The following ASIC2 variants were observed in gnomAD, a reference collection of about 807,000 sequenced individuals.
The protein encoded by ASIC2 is acid sensing ion channel subunit 2, also known as acid-sensing ion channel 2.
ASIC2 carries 25 observed loss-of-function variants against 57.3 expected under a neutral mutation model. That is an observed-to-expected ratio of 0.44 (90% CI 0.32 to 0.61). The LOEUF is 0.61. ASIC2 is among the 20% of genes least tolerant of loss of function. The pLI is 0.06. For synonymous variants in ASIC2, 319 were observed against 307.5 expected (o/e 1.04, Z -0.39); for missense variants, 641 against 738.1 (o/e 0.87, Z 1.52).
intron 1 of ASIC2, among the ~76,000 whole-genome samples, chr17:33,531,001 A>T (rs1442207591): frequency 6.6e-6 from 1 of 152,172 alleles, no homozygotes; most frequent in African/African-American, 2.4e-5. Context: ...AATAAGTTAA[A>T]GAAAAAAATA....
intron 1 of ASIC2, among the ~76,000 whole-genome samples, chr17:33,287,493 G>T (rs1905244577): frequency 6.6e-6 from 1 of 152,162 alleles, no homozygotes; most frequent in South Asian, 2.1e-4. Context: ...TTCTGGCCCA[G>T]GAAACCCCAG....
chr17:33,497,748 C>A (rs1315229243), intron 1 of ASIC2, among the ~76,000 whole-genome samples: 2 of 152,178 alleles, frequency 1.3e-5, no homozygotes, highest in Non-Finnish European at 2.9e-5. Context: ...ACTCAACTTA[C>A]TTTTTTTCAG....
intron 1 of ASIC2, among the ~76,000 whole-genome samples, chr17:33,241,097 T>C (rs150132228): frequency 6.6e-6 from 1 of 152,220 alleles, no homozygotes; most frequent in Non-Finnish European, 1.5e-5. Flanking sequence ...GCAGCGTTCA[T>C]GGTCACACAG....
intron 3 of ASIC2, among the ~76,000 whole-genome samples, chr17:33,063,063 G>A (rs187959384): frequency 3.9e-5 from 6 of 152,216 alleles, no homozygotes; most frequent in East Asian, 1.9e-4. Context: ...TGTCCCTCAC[G>A]TGAGATGGGT....
intron 1 of ASIC2, among the ~76,000 whole-genome samples, chr17:33,993,297 C>T (rs1906056407): frequency 6.6e-6 from 1 of 152,176 alleles, no homozygotes; most frequent in South Asian, 2.1e-4. Context: ...TTTTTTGGCA[C>T]ATGTCCAGAA....
At chr17:33,903,888 G>A (rs1313265004) in intron 1 of ASIC2, among the ~76,000 whole-genome samples, 2 of 152,124 alleles carry the variant, frequency 1.3e-5, no homozygotes, top group Admixed American at 1.3e-4. Context: ...GCTGGGCCAG[G>A]CACGGTGGCT....
chr17:33,138,856 G>T (rs887254086), intron 1 of ASIC2, among the ~76,000 whole-genome samples: 3 of 152,204 alleles, frequency 2.0e-5, no homozygotes, highest in African/African-American at 7.2e-5. Flanking sequence ...TTAACTGGCT[G>T]CCTTTTCTGT....
intron 1 of ASIC2, among the ~76,000 whole-genome samples, chr17:33,766,545 C>T (rs1373175456): frequency 6.6e-6 from 1 of 152,198 alleles, no homozygotes; most frequent in Non-Finnish European, 1.5e-5. Context: ...CTGTGCCTCA[C>T]CAGGGTGTTG....
Position 33,283,831 on chromosome 17 carries a change from C to G in ASIC2, c.708+7577G>C, listed in dbSNP as rs140525719. 3.9e-5 allele frequency among the ~76,000 whole-genome samples: 6 copies of G among 152,284 alleles called. No individual in the cohort carries two copies. The East Asian group carries it at 1.2e-3, about 29-fold the overall frequency. ...TCCTATCCAGGTATAATAAATTAAG[C>G]TTCTGCTGATTACAAATGCAGGTTT... On this transcript the variant is annotated intron_variant, in intron 1 of 9. Coordinates refer to ENST00000225823, the MANE Select transcript of ASIC2 (RefSeq NM_183377.2).
intron 1 of ASIC2, among the ~76,000 whole-genome samples, chr17:33,883,151 G>A (rs928113541): frequency 2.0e-5 from 3 of 152,088 alleles, no homozygotes; most frequent in Non-Finnish European, 4.4e-5. Flanking sequence ...GCTGAATGAC[G>A]AGTTAATGGG....
chr17:33,590,446 G>A (rs1355735032), intron 1 of ASIC2, among the ~76,000 whole-genome samples: 1 of 152,100 alleles, frequency 6.6e-6, no homozygotes, highest in Non-Finnish European at 1.5e-5. Context: ...TCATCATGGT[G>A]AGGAACAGGT....
chr17:33,686,554 G>A (rs906680737), intron 1 of ASIC2, among the ~76,000 whole-genome samples: 2 of 152,258 alleles, frequency 1.3e-5, no homozygotes, highest in Middle Eastern at 3.4e-3. Context: ...AGATCCATGG[G>A]CAACTCTGCT....
intron 1 of ASIC2, chr17:34,003,322 T>G (rs1906409826): frequency 6.6e-6 from 1 of 152,204 alleles, no homozygotes; most frequent in Non-Finnish European, 1.5e-5. Context: ...AGGATTCTCA[T>G]GAGAAATGAG....
At chr17:33,449,511 T>C (rs1912166830) in intron 1 of ASIC2, among the ~76,000 whole-genome samples, 1 of 152,198 alleles carries the variant, frequency 6.6e-6, no homozygotes, top group Non-Finnish European at 1.5e-5. Context: ...CTGTTCAGCA[T>C]ACCTGTTGCA....
intron 1 of ASIC2, among the ~76,000 whole-genome samples, chr17:33,356,626 G>A (rs1010554727): frequency 3.9e-5 from 6 of 152,106 alleles, no homozygotes; most frequent in African/African-American, 7.2e-5. Context: ...CTTTTAACAC[G>A]GAGCGTGTTA....
chr17:33,574,718 T>A (rs1916561720), intron 1 of ASIC2, among the ~76,000 whole-genome samples: 1 of 152,198 alleles, frequency 6.6e-6, no homozygotes. Context: ...ATTGCATATA[T>A]CTTTACAAAA....
At chr17:33,130,344 G>A (rs138605351) in intron 1 of ASIC2, among the ~76,000 whole-genome samples, 2 of 152,272 alleles carry the variant, frequency 1.3e-5, no homozygotes, top group East Asian at 3.9e-4. Context: ...TAGGTACAGA[G>A]GAAACAAGAA....
intron 3 of ASIC2, among the ~76,000 whole-genome samples, chr17:33,042,832 G>A (rs1252123207): frequency 6.6e-6 from 1 of 152,198 alleles, no homozygotes; most frequent in African/African-American, 2.4e-5. Flanking sequence ...TTGAGATAGG[G>A]ATATGAGTTC....
chr17:33,373,453 C>T (rs1909160885), intron 1 of ASIC2, among the ~76,000 whole-genome samples: 1 of 152,218 alleles, frequency 6.6e-6, no homozygotes, highest in East Asian at 1.9e-4. Flanking sequence ...ATAGCTGCTT[C>T]CTAACAGTAT....
Sources: allele counts gnomAD v4.1 joint callset (sites outside exome capture counted in the v4.1 genomes callset), GRCh38; gene constraint gnomAD v4.1.1; transcripts MANE v1.5; gene names NCBI Gene and HGNC (gene_info 2026-07-23, HGNC 2026-07-21).